MGMT: variants seen among roughly 807,000 people sequenced by gnomAD.
MGMT encodes methylated-DNA--protein-cysteine methyltransferase.
In MGMT, 14 loss-of-function variants were observed where a neutral mutation model predicts 15.9. The ratio of observed to expected loss-of-function variants is 0.88; its 90% CI spans 0.58 to 1.37. The LOEUF (loss-of-function observed/expected upper bound fraction) is 1.37, where lower values mean the gene tolerates loss of function less well. Among genes scored for constraint, MGMT ranks in the 40% most tolerant of loss-of-function variants. The pLI is 0.00. For synonymous variants in MGMT, 130 were observed against 118.2 expected, an observed-to-expected ratio of 1.10 and a Z score of -0.65; for missense variants, 282 against 268.1, an observed-to-expected ratio of 1.05 and a Z score of -0.36.
rs553333221 is a variant in MGMT, at chr10:129,767,590, G to A, written c.*593G>A. On this transcript the variant is annotated 3_prime_UTR_variant, in exon 5 of 5. Transcript: ENST00000651593. Reference sequence around the variant, plus strand: ...TGCATCCACTTATGGTCTGTATCAGGTGAATAGAAAATAACCATTTGCCAA... The same window carrying A: ...TGCATCCACTTATGGTCTGTATCAGATGAATAGAAAATAACCATTTGCCAA... The A allele has an allele frequency of 6.6e-6, 1 of 152,440 alleles. No individual in the cohort carries two copies. The highest frequency in any genetic ancestry group is 2.4e-5 in the African/African-American group (1 of 41,592). The allele number at this position is 152,440 out of a possible 1,614,324, so 9.4% of individuals were successfully genotyped here.
At chr10:129,600,327 C>A (rs1401753906) in intron 2 of MGMT, among the ~76,000 whole-genome samples, 1 of 152,166 alleles carries the variant, frequency 6.6e-6, no homozygotes, top group Non-Finnish European at 1.5e-5. Flanking sequence ...TGTCTCCGAG[C>A]CACATGGGAA....
chr10:129,726,358 G>A (rs556270274), intron 3 of MGMT, among the ~76,000 whole-genome samples: 6 of 152,238 alleles, frequency 3.9e-5, no homozygotes, highest in Admixed American at 6.5e-5. Flanking sequence ...GAGTCCAGGC[G>A]AGACTTGTCC....
intron 2 of MGMT, among the ~76,000 whole-genome samples, chr10:129,586,191 C>T (rs1436410065): frequency 6.6e-6 from 1 of 152,108 alleles, no homozygotes; most frequent in East Asian, 1.9e-4. Context: ...GTAATTGAAA[C>T]CATGGAAAGT....
chr10:129,543,156 A>G (rs534792826), intron 2 of MGMT, among the ~76,000 whole-genome samples: 2 of 152,212 alleles, frequency 1.3e-5, no homozygotes, highest in Non-Finnish European at 2.9e-5. Flanking sequence ...ACAGTGCTGC[A>G]CATGGGGCCT....
chr10:129,742,922 C>CT (rs2133173369), intron 3 of MGMT, among the ~76,000 whole-genome samples: 2 of 152,204 alleles, frequency 1.3e-5, no homozygotes, highest in South Asian at 4.2e-4. Context: ...ACCACCGCAG[C>CT]TGCCCATGCT....
chr10:129,631,250 G>A (rs1394634316), intron 2 of MGMT, among the ~76,000 whole-genome samples: 1 of 152,086 alleles, frequency 6.6e-6, no homozygotes, highest in East Asian at 1.9e-4. Flanking sequence ...TCCCCGTTAA[G>A]GGTAGAAAAT....
intron 2 of MGMT, among the ~76,000 whole-genome samples, chr10:129,604,729 G>GC (rs1846867039): frequency 3.1e-5 from 3 of 97,870 alleles, no homozygotes; most frequent in African/African-American, 1.0e-4. Context: ...ACCCCACCTC[G>GC]CCGCCCCACC....
chr10:129,483,597 C>A (rs1221119446), intron 1 of MGMT, among the ~76,000 whole-genome samples: 1 of 152,264 alleles, frequency 6.6e-6, no homozygotes, highest in Middle Eastern at 3.4e-3. Context: ...TTCTGCCTTG[C>A]ATAGTTTCTG....
At chr10:129,633,647 A>C (rs1156903985) in intron 2 of MGMT, among the ~76,000 whole-genome samples, 1 of 152,212 alleles carries the variant, frequency 6.6e-6, no homozygotes, top group South Asian at 2.1e-4. Flanking sequence ...ATTACCTCCC[A>C]TCTCACAGCC....
intron 3 of MGMT, among the ~76,000 whole-genome samples, chr10:129,721,313 G>A (rs1364940348): frequency 3.9e-5 from 6 of 152,248 alleles, no homozygotes; most frequent in Admixed American, 6.5e-5. Context: ...GGCGGAGTTC[G>A]CGAGAAGAGG....
At chr10:129,565,292 T>TAAAA (rs11429171) in intron 2 of MGMT, among the ~76,000 whole-genome samples, 1 of 136,262 alleles carries the variant, frequency 7.3e-6, no homozygotes. Flanking sequence ...TAAAAGACAG[T>TAAAA]AAAAAAAAAA....
chr10:129,678,004 A>G (rs1847805328), intron 2 of MGMT, among the ~76,000 whole-genome samples: 1 of 152,156 alleles, frequency 6.6e-6, no homozygotes, highest in East Asian at 1.9e-4. Flanking sequence ...ACCTTGACAG[A>G]TTGTGAATGC....
intron 2 of MGMT, among the ~76,000 whole-genome samples, chr10:129,541,988 C>G (rs1264787232): frequency 2.6e-5 from 4 of 152,190 alleles, no homozygotes; most frequent in Non-Finnish European, 4.4e-5. Flanking sequence ...ACCAGCTAGG[C>G]TGGCCTGACC....
chr10:129,645,187 T>G (rs1013167794), intron 2 of MGMT, among the ~76,000 whole-genome samples: 2 of 150,522 alleles, frequency 1.3e-5, no homozygotes, highest in African/African-American at 4.9e-5. Context: ...TAGCATGATC[T>G]TGGCTCACTG....
intron 2 of MGMT, among the ~76,000 whole-genome samples, chr10:129,627,182 G>A (rs903634039): frequency 2.0e-5 from 3 of 152,210 alleles, no homozygotes; most frequent in African/African-American, 7.2e-5. Context: ...AGTTGCTGAA[G>A]ATGGGTGTGC....
chr10:129,606,998 T>G (rs994839631), intron 2 of MGMT, among the ~76,000 whole-genome samples: 1 of 152,318 alleles, frequency 6.6e-6, no homozygotes, highest in Non-Finnish European at 1.5e-5. Flanking sequence ...AAGCCCGTTT[T>G]TTCTCTGCAA....
chr10:129,630,125 C>T (rs1373134200), intron 2 of MGMT, among the ~76,000 whole-genome samples: 5 of 152,186 alleles, frequency 3.3e-5, no homozygotes, highest in Admixed American at 2.0e-4. Flanking sequence ...GCTGGCCAGC[C>T]GCGTCCACCT....
At chr10:129,743,165 T>A (rs1848657625) in intron 3 of MGMT, among the ~76,000 whole-genome samples, 1 of 152,174 alleles carries the variant, frequency 6.6e-6, no homozygotes, top group Non-Finnish European at 1.5e-5. Context: ...GCTTTATCTC[T>A]ACCCAGCAAA....
chr10:129,584,321 G>T (rs1846592635), intron 2 of MGMT, among the ~76,000 whole-genome samples: 1 of 152,162 alleles, frequency 6.6e-6, no homozygotes, highest in Admixed American at 6.5e-5. Flanking sequence ...TGCTTGGCCT[G>T]TCCATGGGGG....
Sources: allele counts gnomAD v4.1 joint callset (sites outside exome capture counted in the v4.1 genomes callset), GRCh38; gene constraint gnomAD v4.1.1; transcripts MANE v1.5; gene names NCBI Gene and HGNC (gene_info 2026-07-23, HGNC 2026-07-21).